Variants in EML4 observed in about 807,000 individuals in gnomAD.
The protein encoded by EML4 is echinoderm microtubule-associated protein-like 4.
A neutral mutation model predicts 129.0 loss-of-function variants in EML4; 72 were observed. The ratio of observed to expected loss-of-function variants is 0.56; its 90% CI spans 0.46 to 0.68. The LOEUF is 0.68. EML4 is among the 30% of genes least tolerant of loss of function. The pLI is 0.00. For missense variants in EML4, 1,363 were observed against 1,190.6 expected (o/e 1.14, Z -2.13); for synonymous variants, 532 against 405.0 (o/e 1.31, Z -3.77).
At chr2:42,195,326 T>C (rs1037776593) in intron 1 of EML4, among the ~76,000 whole-genome samples, 2 of 152,218 alleles carry the variant, frequency 1.3e-5, no homozygotes, top group Non-Finnish European at 2.9e-5. Flanking sequence ...TATTACATTT[T>C]AAGGATACGG....
chr2:42,171,631 G>A (rs1244090237), intron 1 of EML4, among the ~76,000 whole-genome samples: 1 of 152,192 alleles, frequency 6.6e-6, no homozygotes, highest in African/African-American at 2.4e-5. Flanking sequence ...TTGATGCCAT[G>A]CTTTGGGTGG....
intron 1 of EML4, among the ~76,000 whole-genome samples, chr2:42,195,905 C>G (rs1203682962): frequency 6.6e-6 from 1 of 152,144 alleles, no homozygotes; most frequent in African/African-American, 2.4e-5. Flanking sequence ...CCTGTGGAAC[C>G]TAGTGCTTCA....
At chr2:42,321,456 A>G (rs1426409411) in intron 19 of EML4, among the ~76,000 whole-genome samples, 1 of 152,144 alleles carries the variant, frequency 6.6e-6, no homozygotes, top group Non-Finnish European at 1.5e-5. Flanking sequence ...GAGGCCATCA[A>G]GAACTCGGAT....
At chr2:42,236,699 G>A (rs930617827) in intron 1 of EML4, among the ~76,000 whole-genome samples, 2 of 152,106 alleles carry the variant, frequency 1.3e-5, no homozygotes, top group Non-Finnish European at 2.9e-5. Context: ...CATAGGATGT[G>A]TGTGTCTTCA....
At position 42,245,556 on chromosome 2, in the gene EML4, C is replaced by T; in HGVS notation, c.77C>T (p.Ala26Val). The T allele has an allele frequency of 6.2e-7, 1 of 1,613,870 alleles. No individual in the cohort carries two copies. The highest frequency in any genetic ancestry group is 8.5e-7 in the Non-Finnish European group (1 of 1,179,860). ...TCTGATGTTCAAGATCGCCTGTCAG[C>T]TCTTGAGTCACGAGTTCAGCAACAA... Reference protein sequence around the residue: ...STSDVQDRLSALESRVQQQED... With the variant: ...STSDVQDRLSVLESRVQQQED... The change falls in exon 2 of 23, where the codon GCT becomes GTT. Residue 26 changes from alanine to valine, a missense_variant. By Grantham distance (64) the Ala-to-Val change is moderately conservative. Coordinates refer to ENST00000318522, the MANE Select transcript of EML4 (RefSeq NM_019063.5).
intron 1 of EML4, among the ~76,000 whole-genome samples, chr2:42,193,230 G>A (rs757658976): frequency 2.0e-5 from 3 of 152,128 alleles, no homozygotes; most frequent in Non-Finnish European, 2.9e-5. Context: ...AGGTTATACC[G>A]TATAGCCTAG....
chr2:42,218,245 T>C (rs1673327659), intron 1 of EML4, among the ~76,000 whole-genome samples: 1 of 152,024 alleles, frequency 6.6e-6, no homozygotes, highest in African/African-American at 2.4e-5. Flanking sequence ...GCTCACTCCT[T>C]ATGAGAATCT....
At position 42,307,297 on chromosome 2, in the gene EML4, A is replaced by T. The variant is rs1458120847; in HGVS notation, c.1967+2746A>T. The stretch of plus-strand genomic sequence containing the variant: ...AAAGTCACTCAATTTTAGTGACTTA[A>T]ACTAAAGGTAAGCCAATTGGTTTCT... On this transcript the variant is annotated intron_variant, in intron 17 of 22. Coordinates refer to ENST00000318522, the MANE Select transcript of EML4 (RefSeq NM_019063.5). 3.3e-5 allele frequency among the ~76,000 whole-genome samples: 5 copies of T among 152,252 alleles called. No individual in the cohort carries two copies. The South Asian group carries it at 1.0e-3, about 31-fold the overall frequency.
rs777080686 is a variant in EML4, at chr2:42,303,360, G to T, written c.1813G>T (p.Asp605Tyr). Reference protein sequence around the residue: ...LWGLATHPFKDLLLTCAQDRQ... With the variant: ...LWGLATHPFKYLLLTCAQDRQ... Reference sequence around the variant, plus strand: ...GGGTCTTGCCACACATCCCTTCAAAGATTTGCTCTTGACATGTGCTCAGGA... The same window carrying T: ...GGGTCTTGCCACACATCCCTTCAAATATTTGCTCTTGACATGTGCTCAGGA... Residue 605 changes from aspartate to tyrosine, a missense_variant, in exon 16 of 23, where the codon GAT (aspartate) becomes TAT (tyrosine). By Grantham distance (160) the Asp-to-Tyr change is radical. Transcript: ENST00000318522. The T allele has an allele frequency of 6.2e-7, 1 of 1,614,140 alleles. No homozygotes were observed. Among genetic ancestry groups the T allele is most frequent in the East Asian group, 2.2e-5 (1 of 44,886 alleles).
chr2:42,188,903 G>T (rs972461748), intron 1 of EML4, among the ~76,000 whole-genome samples: 1 of 152,196 alleles, frequency 6.6e-6, no homozygotes, highest in African/African-American at 2.4e-5. Context: ...TCCAAGGCAG[G>T]AGGATCGCTT....
At chr2:42,240,740 G>A (rs544732486) in intron 1 of EML4, among the ~76,000 whole-genome samples, 15 of 152,180 alleles carry the variant, frequency 9.9e-5, no homozygotes, top group Non-Finnish European at 2.2e-4. Context: ...AAAGCATCCT[G>A]TATTGCCATG....
chr2:42,265,955 A>G (rs1357267566), intron 6 of EML4, among the ~76,000 whole-genome samples: 1 of 152,184 alleles, frequency 6.6e-6, no homozygotes, highest in Non-Finnish European at 1.5e-5. Flanking sequence ...ATTGCCTGCA[A>G]ATTTAATTGA....
intron 6 of EML4, among the ~76,000 whole-genome samples, chr2:42,275,707 G>T (rs566104062): frequency 6.6e-6 from 1 of 152,296 alleles, no homozygotes; most frequent in East Asian, 1.9e-4. Context: ...GTATCACAAA[G>T]CTTGTCTTCT....
intron 1 of EML4, among the ~76,000 whole-genome samples, chr2:42,213,844 A>G (rs965202811): frequency 1.3e-5 from 2 of 152,100 alleles, no homozygotes; most frequent in East Asian, 1.9e-4. Flanking sequence ...CTTAAAACAT[A>G]TAAAATTAAG....
intron 1 of EML4, among the ~76,000 whole-genome samples, chr2:42,195,546 T>A (rs1269905837): frequency 6.6e-6 from 1 of 152,188 alleles, no homozygotes; most frequent in East Asian, 1.9e-4. Flanking sequence ...ATAGAAAAAT[T>A]TAAAATGTAC....
At chr2:42,325,903 G>T (rs1669786061) in intron 20 of EML4, 1 of 157,114 alleles carries the variant, frequency 6.4e-6, no homozygotes, top group South Asian at 2.0e-4. Context: ...TTCTCCTGGA[G>T]GCAGGGAGGA....
chr2:42,316,766 C>A (rs916699163), intron 18 of EML4, among the ~76,000 whole-genome samples: 1 of 152,140 alleles, frequency 6.6e-6, no homozygotes, highest in Non-Finnish European at 1.5e-5. Context: ...GATTGCTTCT[C>A]AGTTGTTTCA....
At chr2:42,263,465 C>T (rs1298366380) in intron 5 of EML4, among the ~76,000 whole-genome samples, 159 bp downstream of exon 5, 4 of 138,660 alleles carry the variant, frequency 2.9e-5, no homozygotes, top group African/African-American at 5.5e-5. Flanking sequence ...AGTGCAGTGG[C>T]ACCATCTTGG....
intron 4 of EML4, 84 bp from the exon 5 acceptor site, chr2:42,263,094 G>GC: frequency 8.7e-7 from 1 of 1,144,346 alleles, no homozygotes; most frequent in South Asian, 1.4e-5. Flanking sequence ...AATGTTAATT[G>GC]CTGCTTTTGT....
Sources: allele counts gnomAD v4.1 joint callset (sites outside exome capture counted in the v4.1 genomes callset), GRCh38; gene constraint gnomAD v4.1.1; transcripts MANE v1.5; gene names NCBI Gene and HGNC (gene_info 2026-07-23, HGNC 2026-07-21).